The following PDE4D variants were observed in gnomAD, a reference collection of about 807,000 sequenced individuals.
PDE4D encodes 3',5'-cyclic-AMP phosphodiesterase 4D.
In PDE4D, 24 loss-of-function variants were observed where a neutral mutation model predicts 87.4. That is an observed-to-expected ratio of 0.27 (90% CI 0.20 to 0.39). The LOEUF (loss-of-function observed/expected upper bound fraction) is 0.39. PDE4D is among the 10% of genes least tolerant of loss of function. The pLI is 1.00. For synonymous variants in PDE4D, 384 were observed against 383.2 expected (o/e 1.00, Z -0.02); for missense variants, 714 against 1,041.0 (o/e 0.69, Z 4.32).
At chr5:59,195,098 C>T (rs1027511743) in intron 2 of PDE4D, among the ~76,000 whole-genome samples, 1 of 152,174 alleles carries the variant, frequency 6.6e-6, no homozygotes, top group African/African-American at 2.4e-5. Flanking sequence ...ATATCCTAAT[C>T]AGATGCTGAT....
intron 1 of PDE4D, among the ~76,000 whole-genome samples, chr5:59,618,749 A>C (rs528123975): frequency 2.6e-5 from 4 of 152,202 alleles, no homozygotes; most frequent in Admixed American, 6.5e-5. Context: ...TTGAAATTTA[A>C]TAGTCATTGT....
intron 1 of PDE4D, among the ~76,000 whole-genome samples, chr5:60,396,452 C>G (rs1231054880): frequency 6.6e-6 from 1 of 152,172 alleles, no homozygotes; most frequent in Non-Finnish European, 1.5e-5. Context: ...CCAGGGATTA[C>G]CCCATCTGAG....
chr5:60,049,125 A>T (rs1253167565), intron 2 of PDE4D, among the ~76,000 whole-genome samples: 1 of 151,896 alleles, frequency 6.6e-6, no homozygotes, highest in African/African-American at 2.4e-5. Flanking sequence ...TTCATCTTCC[A>T]TCGCTGATAC....
At chr5:59,696,408 T>C (rs1229311328) in intron 1 of PDE4D, among the ~76,000 whole-genome samples, 1 of 152,176 alleles carries the variant, frequency 6.6e-6, no homozygotes, top group Non-Finnish European at 1.5e-5. Context: ...GGAGCTTACA[T>C]TCTATTGAAG....
Position 59,404,664 on chromosome 5 carries a change from T to TA in PDE4D, c.456-188697dup, listed in dbSNP as rs141310449. 4.7e-3 allele frequency among the ~76,000 whole-genome samples: 645 copies of TA among 137,138 alleles called. 5 individuals carry two copies. The highest frequency in any genetic ancestry group is 5.6e-3 in the African/African-American group (209 of 37,066). 90.0% of individuals were successfully genotyped at this position (137,138 alleles called of 152,430 possible). On this transcript the variant is annotated intron_variant, in intron 1 of 14. Transcript: ENST00000340635. Reference sequence around the variant, plus strand: ...CTGGGCAACAGAGTGAGACTCTGTCTAAAAAAAAAAAAAAAAATCTTTGCT... The same window carrying TA: ...CTGGGCAACAGAGTGAGACTCTGTCTAAAAAAAAAAAAAAAAAATCTTTGCT...
chr5:59,416,864 T>C (rs1363299691), intron 1 of PDE4D, among the ~76,000 whole-genome samples: 1 of 152,210 alleles, frequency 6.6e-6, no homozygotes, highest in Non-Finnish European at 1.5e-5. Flanking sequence ...ATTGGATTTA[T>C]AATAAAATGC....
chr5:59,752,327 T>C (rs1760600269), intron 1 of PDE4D, among the ~76,000 whole-genome samples: 1 of 152,212 alleles, frequency 6.6e-6, no homozygotes, highest in Non-Finnish European at 1.5e-5. Flanking sequence ...AATATATCAT[T>C]TGAACTTCTA....
chr5:59,829,606 A>T (rs1214453836), intron 1 of PDE4D, among the ~76,000 whole-genome samples: 1 of 152,070 alleles, frequency 6.6e-6, no homozygotes, highest in East Asian at 1.9e-4. Context: ...TAATGGCCTC[A>T]TTCTAATGCA....
Position 60,300,978 on chromosome 5 carries a change from T to TCG in PDE4D, c.-89-115292_-89-115291insCG, listed in dbSNP as rs1489957265. On this transcript the variant is annotated intron_variant, in intron 1 of 16. Transcript: ENST00000502484. The stretch of plus-strand genomic sequence containing the variant: ...TAGACATGGGGTTTCTCCATGTTGG[T>TCG]CAGGGTGGTCTCAAACTCCTGACCT... Among the ~76,000 whole-genome samples the TCG allele has an allele frequency of 9.9e-5, 15 of 152,180 alleles. No homozygotes were observed. In the East Asian group the frequency reaches 1.2e-3, roughly 12 times the overall value.
At chr5:59,923,352 T>C (rs1754888754) in intron 3 of PDE4D, among the ~76,000 whole-genome samples, 1 of 152,186 alleles carries the variant, frequency 6.6e-6, no homozygotes, top group Admixed American at 6.5e-5. Context: ...CCTTAGGACC[T>C]TGAGCAAACA....
chr5:60,126,367 A>AT (rs561252077), intron 2 of PDE4D, among the ~76,000 whole-genome samples: 5 of 152,100 alleles, frequency 3.3e-5, no homozygotes, highest in Admixed American at 2.6e-4. Flanking sequence ...TAATCTACTT[A>AT]TTTTTTTTCA....
At chr5:59,583,528 G>A (rs184618802) in intron 1 of PDE4D, among the ~76,000 whole-genome samples, 12 of 152,282 alleles carry the variant, frequency 7.9e-5, no homozygotes, top group South Asian at 2.1e-4. Context: ...AGAAGCCTTC[G>A]CAATAAAATC....
intron 5 of PDE4D, among the ~76,000 whole-genome samples, chr5:59,059,423 T>C (rs1369915052): frequency 6.6e-6 from 1 of 152,214 alleles, no homozygotes; most frequent in Non-Finnish European, 1.5e-5. Flanking sequence ...AACACAGTCT[T>C]GTTAGAACAA....
chr5:60,443,129 T>G (rs1247789891), intron 1 of PDE4D, among the ~76,000 whole-genome samples: 1 of 152,144 alleles, frequency 6.6e-6, no homozygotes, highest in East Asian at 1.9e-4. Flanking sequence ...GGAATTTTAA[T>G]GGTTTCAAGT....
intron 2 of PDE4D, among the ~76,000 whole-genome samples, chr5:60,022,069 T>C (rs927434118): frequency 1.3e-5 from 2 of 152,186 alleles, no homozygotes; most frequent in Non-Finnish European, 2.9e-5. Flanking sequence ...TCTTTGGACA[T>C]GGAGCTGTAT....
chr5:60,226,788 CA>C (rs1172789245), intron 1 of PDE4D, among the ~76,000 whole-genome samples: 1 of 151,762 alleles, frequency 6.6e-6, no homozygotes, highest in Admixed American at 6.6e-5. Context: ...CTTCCAGTCC[CA>C]AGCCATCCTT....
Position 59,240,333 on chromosome 5 carries a change from T to A in PDE4D, c.456-24365A>T, listed in dbSNP as rs181094879. Among the ~76,000 whole-genome samples, 746 of 152,312 alleles carry A rather than the reference T, an allele frequency of 4.9e-3. 8 individuals carry two copies. Among genetic ancestry groups the A allele is most frequent in the African/African-American group, 0.017 (714 of 41,580 alleles). On this transcript the variant is annotated intron_variant, in intron 1 of 14. Transcript: ENST00000340635. ...CCTATTATAAACTAGTTAAAAACTCTTGTTGAATAGCATATTGCAATTGAT... is the reference window on the plus strand; with the variant it reads ...CCTATTATAAACTAGTTAAAAACTCATGTTGAATAGCATATTGCAATTGAT...
intron 1 of PDE4D, among the ~76,000 whole-genome samples, chr5:59,883,437 T>C (rs1183734862): frequency 6.6e-6 from 1 of 152,190 alleles, no homozygotes; most frequent in Non-Finnish European, 1.5e-5. Context: ...GAATGCCCTG[T>C]TAAGAATGCT....
intron 1 of PDE4D, among the ~76,000 whole-genome samples, chr5:59,319,160 ATGTG>A (rs59099367): frequency 0.29 from 40,281 of 139,578 alleles, 6,151 homozygotes; most frequent in African/African-American, 0.44. Context: ...GTACATATAT[ATGTG>A]TGTGTGTGTG....
Sources: gnomAD v4.1 joint callset for allele counts (sites outside exome capture counted in the v4.1 genomes callset) on GRCh38, gnomAD v4.1.1 for gene constraint, MANE v1.5 for transcripts, NCBI Gene and HGNC (gene_info 2026-07-23, HGNC 2026-07-21) for gene names.